Variants in CSMD1 observed in about 807,000 individuals in gnomAD.
CSMD1 encodes the protein CUB and Sushi multiple domains 1, also known as CUB and sushi domain-containing protein 1.
CSMD1 carries 213 observed loss-of-function variants against 417.5 expected under a neutral mutation model. The observed-to-expected ratio is 0.51, with a 90% CI of 0.46 to 0.57. The LOEUF is 0.57. Among genes scored for constraint, CSMD1 ranks in the 20% least tolerant of loss-of-function variants. CSMD1 has a pLI of 0.00. For missense variants in CSMD1, 6,923 were observed against 4,529.7 expected (o/e 1.53, Z -15.17); for synonymous variants, 2,862 against 1,736.8 (o/e 1.65, Z -16.11).
intron 52 of CSMD1, among the ~76,000 whole-genome samples, chr8:3,002,647 T>A (rs1370639957): frequency 6.6e-6 from 1 of 152,194 alleles, no homozygotes; most frequent in Non-Finnish European, 1.5e-5. Flanking sequence ...CAAACAGGAC[T>A]CCTTTTAAAC....
chr8:4,336,699 T>C (rs904859323), intron 3 of CSMD1, among the ~76,000 whole-genome samples: 1 of 152,110 alleles, frequency 6.6e-6, no homozygotes, highest in African/African-American at 2.4e-5. Flanking sequence ...AAAGTAGAGA[T>C]GAGGCTGTGT....
intron 18 of CSMD1, among the ~76,000 whole-genome samples, chr8:3,379,435 G>A (rs1017669374): frequency 6.6e-5 from 10 of 152,258 alleles, no homozygotes; most frequent in Middle Eastern, 3.4e-3. Context: ...AGCCCATATA[G>A]CCAAATGAAT....
At chr8:3,649,105 G>C (rs934735714) in intron 7 of CSMD1, among the ~76,000 whole-genome samples, 61 of 152,276 alleles carry the variant, frequency 4.0e-4, no homozygotes, top group Middle Eastern at 3.4e-3. Context: ...GTCTTACTCA[G>C]TGATTCAGTA....
At chr8:4,907,955 G>C (rs940841435) in intron 1 of CSMD1, among the ~76,000 whole-genome samples, 2 of 152,068 alleles carry the variant, frequency 1.3e-5, no homozygotes, top group Non-Finnish European at 2.9e-5. Flanking sequence ...TAAAAGTAAG[G>C]TTATGACTCA....
At chr8:4,410,393 T>A (rs1441399969) in intron 3 of CSMD1, among the ~76,000 whole-genome samples, 1 of 152,200 alleles carries the variant, frequency 6.6e-6, no homozygotes, top group Non-Finnish European at 1.5e-5. Flanking sequence ...CTTATCCACA[T>A]GTAAATATTT....
At chr8:3,628,949 AAAG>A (rs1282580443) in intron 7 of CSMD1, among the ~76,000 whole-genome samples, 1 of 152,176 alleles carries the variant, frequency 6.6e-6, no homozygotes, top group Non-Finnish European at 1.5e-5. Context: ...ATGAGAAACA[AAAG>A]AAGAATAAAA....
chr8:3,883,885 G>A (rs917464048), intron 5 of CSMD1, among the ~76,000 whole-genome samples: 1 of 152,004 alleles, frequency 6.6e-6, no homozygotes. Flanking sequence ...TTTTTCATAT[G>A]TGTATTTAAA....
At chr8:3,692,830 T>A (rs2129033462) in intron 7 of CSMD1, among the ~76,000 whole-genome samples, 1 of 152,330 alleles carries the variant, frequency 6.6e-6, no homozygotes, top group South Asian at 2.1e-4. Flanking sequence ...GCAAAAATAT[T>A]ATTAGGCATT....
chr8:3,475,539 G>C (rs1351029547), intron 11 of CSMD1, among the ~76,000 whole-genome samples: 2 of 152,228 alleles, frequency 1.3e-5, no homozygotes, highest in Middle Eastern at 3.4e-3. Flanking sequence ...TGTGATTTTA[G>C]CTAAATCATT....
intron 1 of CSMD1, among the ~76,000 whole-genome samples, chr8:4,827,627 G>C (rs751048043): frequency 6.6e-6 from 1 of 152,108 alleles, no homozygotes; most frequent in East Asian, 1.9e-4. Flanking sequence ...GATTGAATAG[G>C]TAAGTCTTTA....
chr8:4,443,844 CT>C (rs1798624300), intron 2 of CSMD1, among the ~76,000 whole-genome samples: 1 of 152,170 alleles, frequency 6.6e-6, no homozygotes, highest in Non-Finnish European at 1.5e-5. Context: ...TAACGAACTT[CT>C]GGGTAACAAA....
intron 10 of CSMD1, among the ~76,000 whole-genome samples, chr8:3,569,892 T>A (rs573948143): frequency 1.4e-4 from 21 of 152,234 alleles, no homozygotes; most frequent in South Asian, 2.1e-4. Context: ...TCTGAACATT[T>A]CTCCGAGATA....
chr8:4,448,981 T>C (rs1012012060), intron 2 of CSMD1, among the ~76,000 whole-genome samples: 1 of 152,178 alleles, frequency 6.6e-6, no homozygotes, highest in African/African-American at 2.4e-5. Context: ...AAGGTACAAA[T>C]GGATAGTAGT....
intron 37 of CSMD1, among the ~76,000 whole-genome samples, chr8:3,164,100 T>C (rs752354057): frequency 2.0e-5 from 3 of 152,128 alleles, no homozygotes; most frequent in Non-Finnish European, 4.4e-5. Flanking sequence ...TCCCCAAATC[T>C]GAGAGGGCGA....
chr8:3,667,371 G>C (rs1017372622), intron 7 of CSMD1, among the ~76,000 whole-genome samples: 1 of 152,130 alleles, frequency 6.6e-6, no homozygotes, highest in African/African-American at 2.4e-5. Flanking sequence ...GATGACATTT[G>C]AGAAAGGTCT....
chr8:4,841,930 A>AAAACAAAAAACAAAAC lies in CSMD1; in HGVS notation c.85+152401_85+152402insGTTTTGTTTTTTGTTT, dbSNP rs1800864566. Among the ~76,000 whole-genome samples the AAAACAAAAAACAAAAC allele has an allele frequency of 1.9e-3, 237 of 122,482 alleles. 11 individuals are homozygous for AAAACAAAAAACAAAAC. The highest frequency in any genetic ancestry group is 7.8e-3 in the African/African-American group (235 of 30,024). 80.4% of individuals were successfully genotyped at this position (122,482 alleles called of 152,430 possible). A position where few individuals can be genotyped will look rare whatever the true frequency, so the allele number is the denominator to read the frequency against. ...CCGTCTCAAAAAAAAAAAAAAAAAA[A>AAAACAAAAAACAAAAC]AAAAAAAAGTTCAGAACAATGGATA... On this transcript the variant is annotated intron_variant, in intron 1 of 69. Coordinates refer to ENST00000635120, the MANE Select transcript of CSMD1 (RefSeq NM_033225.6).
chr8:4,312,803 G>A (rs1243430241), intron 3 of CSMD1, among the ~76,000 whole-genome samples: 1 of 152,102 alleles, frequency 6.6e-6, no homozygotes, highest in African/African-American at 2.4e-5. Context: ...GAACCAGGGT[G>A]GTGGAGGTTG....
chr8:4,445,878 G>A (rs1342757765), intron 2 of CSMD1, among the ~76,000 whole-genome samples: 2 of 152,188 alleles, frequency 1.3e-5, no homozygotes, highest in African/African-American at 4.8e-5. Flanking sequence ...CTGGAGAAGG[G>A]CACAAGAGGA....
In CSMD1 at chr8:4,514,316, C is replaced by A. The variant is rs555806473; in HGVS notation, c.303-94251G>T. The stretch of plus-strand genomic sequence containing the variant: ...TTATCTCATTTAACCTTAATTACTT[C>A]TTTAGAGACCCTCTCTCCATATACG... On this transcript the variant is annotated intron_variant, in intron 2 of 69. Coordinates refer to ENST00000635120, the MANE Select transcript of CSMD1 (RefSeq NM_033225.6). Among the ~76,000 whole-genome samples the A allele has an allele frequency of 1.9e-4, 29 of 152,248 alleles. No homozygotes were observed. The South Asian group carries it at 2.7e-3, about 14-fold the overall frequency.
Sources: gnomAD v4.1 joint callset for allele counts (sites outside exome capture counted in the v4.1 genomes callset) on GRCh38, gnomAD v4.1.1 for gene constraint, MANE v1.5 for transcripts, NCBI Gene and HGNC (gene_info 2026-07-23, HGNC 2026-07-21) for gene names.